Variants in GRID2 observed in about 807,000 individuals in gnomAD.
The protein encoded by GRID2 is glutamate receptor ionotropic, delta-2.
Under a neutral mutation model 114.8 loss-of-function variants are expected in GRID2, and 33 were observed. That is an observed-to-expected ratio of 0.29 (90% CI 0.22 to 0.38). The LOEUF (loss-of-function observed/expected upper bound fraction) is 0.38, where lower values mean the gene tolerates loss of function less well. GRID2 is among the 10% of genes least tolerant of loss of function. GRID2 has a pLI of 1.00. For missense variants in GRID2, 1,184 were observed against 1,257.7 expected (o/e 0.94, Z 0.89); for synonymous variants, 505 against 449.9 (o/e 1.12, Z -1.55).
chr4:93,722,811 A>G, intron 14 of GRID2, among the ~76,000 whole-genome samples: 1 of 152,198 alleles, frequency 6.6e-6, no homozygotes, highest in East Asian at 1.9e-4. Context: ...ACCTTTACAA[A>G]CAAAGCAGCC....
intron 1 of GRID2, among the ~76,000 whole-genome samples, chr4:92,437,882 A>C (rs774219900): frequency 1.2e-4 from 18 of 152,212 alleles, no homozygotes; most frequent in Non-Finnish European, 2.6e-4. Context: ...TTGCTTATTA[A>C]AATGATTTAT....
intron 2 of GRID2, among the ~76,000 whole-genome samples, chr4:92,673,375 A>G (rs1447438050): frequency 2.0e-5 from 3 of 152,196 alleles, no homozygotes; most frequent in Admixed American, 6.5e-5. Flanking sequence ...TATTTTTTAA[A>G]TACATTGTGT....
chr4:93,570,052 G>A (rs1311756910), intron 13 of GRID2, among the ~76,000 whole-genome samples: 1 of 152,144 alleles, frequency 6.6e-6, no homozygotes, highest in Non-Finnish European at 1.5e-5. Context: ...CTTGTGAAAT[G>A]TATCATCAAT....
At chr4:93,078,377 T>G (rs1476549801) in intron 2 of GRID2, among the ~76,000 whole-genome samples, 1 of 152,050 alleles carries the variant, frequency 6.6e-6, no homozygotes, top group Non-Finnish European at 1.5e-5. Context: ...AGTATGTCAT[T>G]AAACATTCAT....
At chr4:92,642,060 T>C (rs1423493752) in intron 2 of GRID2, among the ~76,000 whole-genome samples, 1 of 151,570 alleles carries the variant, frequency 6.6e-6, no homozygotes, top group Non-Finnish European at 1.5e-5. Context: ...GATTTCATTA[T>C]CTTTGCTCTT....
rs565419499 is a variant in GRID2 at position 92,898,999 on chromosome 4, GTT to G, written c.245-185994_245-185993del. ...ACATTATAGCTGTATAGTGAAATAA[GTT>G]TGTGTATATAAAATCATATTAAAGC... On this transcript the variant is annotated intron_variant, in intron 2 of 15. Coordinates refer to ENST00000282020, the MANE Select transcript of GRID2 (RefSeq NM_001510.4). Among the ~76,000 whole-genome samples the G allele has an allele frequency of 9.7e-4, 147 of 152,090 alleles. 1 individual carries two copies. Among genetic ancestry groups the G allele is most frequent in the Admixed American group, 2.0e-3 (30 of 15,278 alleles).
chr4:92,968,682 G>A (rs2149167524), intron 2 of GRID2, among the ~76,000 whole-genome samples: 1 of 151,782 alleles, frequency 6.6e-6, no homozygotes, highest in Non-Finnish European at 1.5e-5. Flanking sequence ...TGTAATTTTA[G>A]AACAGTTTTT....
intron 1 of GRID2, among the ~76,000 whole-genome samples, chr4:92,575,526 GTTTA>G (rs773453949): frequency 1.3e-5 from 2 of 152,074 alleles, no homozygotes; most frequent in Non-Finnish European, 2.9e-5. Context: ...TTGTTTTTAT[GTTTA>G]TTTGTTTTAG....
intron 14 of GRID2, among the ~76,000 whole-genome samples, chr4:93,652,453 G>A (rs1344576193): frequency 3.9e-5 from 6 of 152,060 alleles, no homozygotes; most frequent in Admixed American, 3.9e-4. Context: ...ACTTTTCTAT[G>A]TTTAGACACA....
chr4:93,448,287 A>T (rs1204143113), intron 10 of GRID2, among the ~76,000 whole-genome samples: 1 of 151,916 alleles, frequency 6.6e-6, no homozygotes, highest in Non-Finnish European at 1.5e-5. Context: ...TTAAATATTG[A>T]GGTTAAAAAC....
chr4:93,406,000 C>G (rs1766374924), intron 9 of GRID2, among the ~76,000 whole-genome samples: 1 of 152,114 alleles, frequency 6.6e-6, no homozygotes, highest in African/African-American at 2.4e-5. Context: ...TTTCTCTAGT[C>G]TTTACTGAAC....
chr4:92,738,650 C>G (rs1355974322), intron 2 of GRID2, among the ~76,000 whole-genome samples: 2 of 151,710 alleles, frequency 1.3e-5, no homozygotes, highest in Admixed American at 1.3e-4. Flanking sequence ...CTGATTTTCC[C>G]TTTTTATTTT....
intron 2 of GRID2, among the ~76,000 whole-genome samples, chr4:92,600,640 G>A (rs1363619798): frequency 1.3e-5 from 2 of 152,144 alleles, no homozygotes; most frequent in Non-Finnish European, 2.9e-5. Context: ...CCCCTCTTCT[G>A]TAGGGCTGCT....
chr4:92,804,301 A>T (rs1285094978), intron 2 of GRID2, among the ~76,000 whole-genome samples: 1 of 152,044 alleles, frequency 6.6e-6, no homozygotes, highest in Non-Finnish European at 1.5e-5. Flanking sequence ...TTTACAAAAC[A>T]TTTCAAAGGA....
chr4:92,843,647 G>T (rs1030444187), intron 2 of GRID2, among the ~76,000 whole-genome samples: 3 of 152,068 alleles, frequency 2.0e-5, no homozygotes, highest in Admixed American at 1.3e-4. Context: ...AGAAGATTCT[G>T]CATCCAATGT....
Position 93,129,730 on chromosome 4 carries a change from C to T in GRID2, c.735+18777C>T, listed in dbSNP as rs529595979. On this transcript the variant is annotated intron_variant, in intron 4 of 15. Transcript: ENST00000282020. Reference sequence around the variant, plus strand: ...TATTTATTTTACCTATTCTTTTTTGCAGCCCTTGTCTCCATGATGTTTGGC... The same window carrying T: ...TATTTATTTTACCTATTCTTTTTTGTAGCCCTTGTCTCCATGATGTTTGGC... Among the ~76,000 whole-genome samples, 471 of 152,140 alleles carry T rather than the reference C, an allele frequency of 3.1e-3. 1 individual carries two copies. The highest frequency in any genetic ancestry group is 0.011 in the African/African-American group (460 of 41,526).
chr4:92,822,369 G>T lies in GRID2; in HGVS notation c.244+232083G>T, dbSNP rs987599735. 10 of 612,488 alleles carry T rather than the reference G, an allele frequency of 1.6e-5. No homozygotes were observed. In the African/African-American group the frequency reaches 1.8e-4, roughly 11 times the overall value. The allele number at this position is 612,488 out of a possible 1,614,324, so 37.9% of individuals were successfully genotyped here. ...TTCAGATGGACTGTGTGGCCAAAGT[G>T]GTTCATCTTCAGCTTGCAGTTAGCC... On this transcript the variant is annotated intron_variant, in intron 2 of 15. Transcript: ENST00000282020.
chr4:93,076,478 C>A (rs539320674), intron 2 of GRID2, among the ~76,000 whole-genome samples: 1 of 152,014 alleles, frequency 6.6e-6, no homozygotes, highest in East Asian at 1.9e-4. Context: ...AAAAAGAATT[C>A]TCTTATATTC....
chr4:92,901,055 T>C (rs2149480360), intron 2 of GRID2, among the ~76,000 whole-genome samples: 1 of 152,178 alleles, frequency 6.6e-6, no homozygotes, highest in Middle Eastern at 3.4e-3. Flanking sequence ...AGGTATATTT[T>C]ATACAATAAT....
Sources: gnomAD v4.1 joint callset for allele counts (sites outside exome capture counted in the v4.1 genomes callset) on GRCh38, gnomAD v4.1.1 for gene constraint, MANE v1.5 for transcripts, NCBI Gene and HGNC (gene_info 2026-07-23, HGNC 2026-07-21) for gene names.